Variants in WWOX observed in about 807,000 individuals in gnomAD.
The protein encoded by WWOX is WW domain containing oxidoreductase, also known as WW domain-containing oxidoreductase.
A neutral mutation model predicts 46.2 loss-of-function variants in WWOX; 69 were observed. That is an observed-to-expected ratio of 1.49 (90% CI 1.23 to 1.82). WWOX has a LOEUF of 1.82. WWOX is among the 40% of genes most tolerant of loss of function. The pLI, the probability that WWOX is intolerant of heterozygous loss-of-function variation, is 0.00. For synonymous variants in WWOX, 359 were observed against 202.6 expected (o/e 1.77, Z -6.56); for missense variants, 919 against 542.6 (o/e 1.69, Z -6.89).
At chr16:78,591,073 G>A (rs2045339641) in intron 8 of WWOX, among the ~76,000 whole-genome samples, 1 of 152,190 alleles carries the variant, frequency 6.6e-6, no homozygotes, top group Non-Finnish European at 1.5e-5. Flanking sequence ...AAGTCAGGTG[G>A]TGAGAGGTGA....
intron 8 of WWOX, among the ~76,000 whole-genome samples, chr16:78,471,888 A>C (rs144645629): frequency 1.3e-5 from 2 of 152,238 alleles, no homozygotes; most frequent in East Asian, 1.9e-4. Context: ...TTTTTTTTCT[A>C]TTCACCAAAA....
At chr16:78,951,974 A>G (rs1352875501) in intron 8 of WWOX, among the ~76,000 whole-genome samples, 1 of 152,178 alleles carries the variant, frequency 6.6e-6, no homozygotes, top group Non-Finnish European at 1.5e-5. Context: ...TGAGACCCAA[A>G]TGTGAGTATG....
intron 8 of WWOX, among the ~76,000 whole-genome samples, chr16:78,752,530 C>G (rs1567536331): frequency 6.6e-6 from 1 of 152,176 alleles, no homozygotes; most frequent in Admixed American, 6.5e-5. Context: ...TCAGGCTTCC[C>G]AAAGTGCTGA....
At chr16:79,188,529 T>C (rs1053301974) in intron 8 of WWOX, among the ~76,000 whole-genome samples, 2 of 152,230 alleles carry the variant, frequency 1.3e-5, no homozygotes, top group African/African-American at 4.8e-5. Flanking sequence ...CTAATTGGAA[T>C]GCCTCAGAAT....
At chr16:79,088,914 T>G (rs1197364305) in intron 8 of WWOX, among the ~76,000 whole-genome samples, 2 of 152,212 alleles carry the variant, frequency 1.3e-5, no homozygotes, top group African/African-American at 4.8e-5. Context: ...ATACTTCCTA[T>G]TGGAGTGTAC....
intron 8 of WWOX, among the ~76,000 whole-genome samples, chr16:78,655,440 A>C (rs2142155763): frequency 6.6e-6 from 1 of 152,334 alleles, no homozygotes; most frequent in Admixed American, 6.5e-5. Context: ...AGAAGTTAGA[A>C]GATTTAAATA....
At chr16:78,682,437 G>C (rs187782562) in intron 8 of WWOX, among the ~76,000 whole-genome samples, 1 of 152,198 alleles carries the variant, frequency 6.6e-6, no homozygotes, top group African/African-American at 2.4e-5. Context: ...TCCTTTAGCC[G>C]GGTCTGGTGG....
intron 8 of WWOX, among the ~76,000 whole-genome samples, chr16:78,833,658 C>G (rs2051894419): frequency 6.6e-6 from 1 of 152,214 alleles, no homozygotes; most frequent in Non-Finnish European, 1.5e-5. Context: ...GTTTAAGAAT[C>G]TTGAATATCT....
chr16:78,459,578 G>A (rs1234537970), intron 8 of WWOX, among the ~76,000 whole-genome samples: 2 of 152,146 alleles, frequency 1.3e-5, no homozygotes, highest in Non-Finnish European at 2.9e-5. Context: ...AATTGTAAGC[G>A]ATCAGGCATC....
chr16:78,791,655 A>C (rs913894828), intron 8 of WWOX, among the ~76,000 whole-genome samples: 1 of 152,068 alleles, frequency 6.6e-6, no homozygotes, highest in Non-Finnish European at 1.5e-5. Context: ...AGATGGGTGG[A>C]TCACCTGAGG....
chr16:78,836,076 G>A (rs979899866), intron 8 of WWOX, among the ~76,000 whole-genome samples: 6 of 152,096 alleles, frequency 3.9e-5, no homozygotes, highest in Admixed American at 2.0e-4. Context: ...TATTGATTTC[G>A]TTGAGAAAGT....
intron 8 of WWOX, among the ~76,000 whole-genome samples, chr16:78,980,011 C>T (rs1357180905): frequency 6.6e-6 from 1 of 152,108 alleles, no homozygotes; most frequent in African/African-American, 2.4e-5. Context: ...ACCTGTACTT[C>T]CAGCTGCTTG....
At chr16:78,419,233 T>C (rs561860439) in intron 6 of WWOX, among the ~76,000 whole-genome samples, 53 of 152,294 alleles carry the variant, frequency 3.5e-4, no homozygotes, top group Non-Finnish European at 6.3e-4. Context: ...TGTACAAATT[T>C]AGTGCAATCT....
At chr16:78,967,460 T>G (rs948093233) in intron 8 of WWOX, among the ~76,000 whole-genome samples, 4 of 2,866 alleles carry the variant, frequency 1.4e-3, no homozygotes, top group Non-Finnish European at 1.4e-3. Flanking sequence ...ATTTTTGTGG[T>G]TTTTTTTTTT....
intron 8 of WWOX, among the ~76,000 whole-genome samples, chr16:79,152,894 A>C (rs778372220): frequency 2.0e-5 from 3 of 152,150 alleles, no homozygotes; most frequent in Non-Finnish European, 4.4e-5. Flanking sequence ...CACTGAGGGA[A>C]GAGCAGGGAT....
chr16:78,404,661 A>G (rs977802725), intron 6 of WWOX, among the ~76,000 whole-genome samples: 2 of 152,148 alleles, frequency 1.3e-5, no homozygotes, highest in Non-Finnish European at 2.9e-5. Context: ...TTGCCAAGAG[A>G]CACTTGGGTT....
intron 8 of WWOX, among the ~76,000 whole-genome samples, chr16:79,086,115 A>G (rs2048849949): frequency 6.6e-6 from 1 of 152,082 alleles, no homozygotes; most frequent in African/African-American, 2.4e-5. Flanking sequence ...AAACAAACTA[A>G]CAGTCAATAT....
intron 8 of WWOX, among the ~76,000 whole-genome samples, chr16:78,612,578 C>T (rs991972648): frequency 5.9e-5 from 9 of 152,210 alleles, no homozygotes; most frequent in African/African-American, 2.2e-4. Context: ...TGGGCTCAAG[C>T]ATTCCTCCCA....
intron 8 of WWOX, among the ~76,000 whole-genome samples, chr16:78,538,941 G>A (rs929896750): frequency 1.3e-5 from 2 of 152,164 alleles, no homozygotes; most frequent in African/African-American, 4.8e-5. Flanking sequence ...CCATTACCTG[G>A]AATAGCTGCT....
Sources: allele counts gnomAD v4.1 joint callset (sites outside exome capture counted in the v4.1 genomes callset), GRCh38; gene constraint gnomAD v4.1.1; transcripts MANE v1.5; gene names NCBI Gene and HGNC (gene_info 2026-07-23, HGNC 2026-07-21).